Variants in CPPED1 observed in about 807,000 individuals in gnomAD.
CPPED1 encodes the protein calcineurin like phosphoesterase domain containing 1.
In CPPED1, 28 loss-of-function variants were observed where a neutral mutation model predicts 28.0. That is an observed-to-expected ratio of 1.00 (90% CI 0.74 to 1.37). The LOEUF (loss-of-function observed/expected upper bound fraction) is 1.37. CPPED1 is among the 40% of genes most tolerant of loss of function. CPPED1 has a pLI of 0.00. For synonymous variants in CPPED1, 198 were observed against 180.2 expected (o/e 1.10, Z -0.79); for missense variants, 504 against 416.5 (o/e 1.21, Z -1.83).
chr16:12,740,099 A>G (rs868013363), intron 2 of CPPED1, among the ~76,000 whole-genome samples: 1 of 151,744 alleles, frequency 6.6e-6, no homozygotes, highest in African/African-American at 2.4e-5. Flanking sequence ...AAAGGAAGGA[A>G]AGGAAGGAAA....
At chr16:12,792,894 G>C (rs1156684893) in intron 1 of CPPED1, among the ~76,000 whole-genome samples, 1 of 151,992 alleles carries the variant, frequency 6.6e-6, no homozygotes, top group Non-Finnish European at 1.5e-5. Flanking sequence ...CCCAGTCTTG[G>C]GTCTGTCTTT....
intron 2 of CPPED1, among the ~76,000 whole-genome samples, chr16:12,758,413 G>A (rs1032179560): frequency 2.0e-5 from 3 of 152,200 alleles, no homozygotes; most frequent in South Asian, 2.1e-4. Context: ...CAGACAGTGA[G>A]GCAGGTACTT....
intron 2 of CPPED1, among the ~76,000 whole-genome samples, chr16:12,769,455 A>G (rs1407235788): frequency 3.3e-5 from 5 of 152,158 alleles, no homozygotes; most frequent in African/African-American, 1.2e-4. Context: ...GACAGCAGCC[A>G]GTGTGTCTCC....
intron 3 of CPPED1, among the ~76,000 whole-genome samples, chr16:12,685,485 CAAT>C (rs1174862512): frequency 5.9e-5 from 9 of 152,104 alleles, no homozygotes; most frequent in Non-Finnish European, 1.2e-4. Context: ...ATAATAATAG[CAAT>C]AATAATAGCC....
intron 2 of CPPED1, among the ~76,000 whole-genome samples, chr16:12,775,226 A>G (rs983722858): frequency 2.0e-5 from 3 of 152,192 alleles, no homozygotes; most frequent in African/African-American, 7.2e-5. Context: ...CCCACCAGCA[A>G]GAAGGCCCTC....
Position 12,662,812 on chromosome 16 carries a change from T to C in CPPED1, c.*2074A>G, listed in dbSNP as rs2079803114. Reference sequence around the variant, plus strand: ...TGATTCCCTTTTCTTTGCATATTCTTGGGGTACTTTTGAATCAGTTCTTTT... The same window carrying C: ...TGATTCCCTTTTCTTTGCATATTCTCGGGGTACTTTTGAATCAGTTCTTTT... On this transcript the variant is annotated 3_prime_UTR_variant, in exon 4 of 4. Transcript: ENST00000381774. 1 of 152,220 alleles carries C rather than the reference T, an allele frequency of 6.6e-6. No individual in the cohort carries two copies. Among genetic ancestry groups the C allele is most frequent in the South Asian group, 2.1e-4 (1 of 4,834 alleles). 9.4% of individuals were successfully genotyped at this position (152,220 alleles called of 1,614,324 possible).
intron 2 of CPPED1, among the ~76,000 whole-genome samples, chr16:12,729,615 G>A (rs1219032877): frequency 2.0e-5 from 3 of 152,176 alleles, no homozygotes; most frequent in East Asian, 1.9e-4. Flanking sequence ...TAAAGCCACT[G>A]AGCAGAAATG....
chr16:12,685,704 T>C (rs1374101585), intron 3 of CPPED1, among the ~76,000 whole-genome samples: 4 of 152,124 alleles, frequency 2.6e-5, no homozygotes, highest in Non-Finnish European at 5.9e-5. Flanking sequence ...TTCTGGGCAA[T>C]GTCCTCCTCA....
intron 2 of CPPED1, among the ~76,000 whole-genome samples, chr16:12,731,943 A>C (rs2141205605): frequency 6.6e-6 from 1 of 151,996 alleles, no homozygotes; most frequent in African/African-American, 2.4e-5. Context: ...TGGGTGGATC[A>C]CCTGAGGTCA....
At chr16:12,694,863 C>T (rs369752976) in intron 3 of CPPED1, among the ~76,000 whole-genome samples, 1 of 151,980 alleles carries the variant, frequency 6.6e-6, no homozygotes, top group African/African-American at 2.4e-5. Context: ...CTGCAACCTC[C>T]GCCTCCCAGC....
chr16:12,796,057 T>A (rs973700181), intron 1 of CPPED1, among the ~76,000 whole-genome samples: 1 of 150,694 alleles, frequency 6.6e-6, no homozygotes, highest in Non-Finnish European at 1.5e-5. Flanking sequence ...CACTCTAGCC[T>A]GGGCGATAGA....
At chr16:12,770,127 C>T (rs2080461368) in intron 2 of CPPED1, among the ~76,000 whole-genome samples, 1 of 152,150 alleles carries the variant, frequency 6.6e-6, no homozygotes, top group Non-Finnish European at 1.5e-5. Context: ...AGGCTGTTGG[C>T]TACAAATAAG....
intron 1 of CPPED1, among the ~76,000 whole-genome samples, chr16:12,789,562 G>T (rs1281816863): frequency 6.6e-6 from 1 of 151,892 alleles, no homozygotes; most frequent in Non-Finnish European, 1.5e-5. Flanking sequence ...GTCTCACTCT[G>T]TCACCCAGGT....
intron 2 of CPPED1, among the ~76,000 whole-genome samples, chr16:12,719,660 C>T (rs1050472706): frequency 1.3e-5 from 2 of 152,084 alleles, no homozygotes; most frequent in Non-Finnish European, 2.9e-5. Flanking sequence ...TTAGGCCAGG[C>T]GCGGTCACTC....
chr16:12,773,598 C>G (rs925971506), intron 2 of CPPED1, among the ~76,000 whole-genome samples: 4 of 152,100 alleles, frequency 2.6e-5, no homozygotes, highest in East Asian at 3.9e-4. Flanking sequence ...TGGTGCACAC[C>G]TGTAACTCCA....
At chr16:12,741,538 C>G (rs775341650) in intron 2 of CPPED1, among the ~76,000 whole-genome samples, 8 of 152,182 alleles carry the variant, frequency 5.3e-5, no homozygotes, top group Non-Finnish European at 8.8e-5. Context: ...TTAATCTGTT[C>G]ACACAGGCCA....
chr16:12,698,667 G>C (rs1186839200), intron 3 of CPPED1, among the ~76,000 whole-genome samples: 1 of 152,184 alleles, frequency 6.6e-6, no homozygotes, highest in African/African-American at 2.4e-5. Flanking sequence ...CTGACTTCAA[G>C]TGATCCACCC....
At chr16:12,754,781 C>T (rs2141221442) in intron 2 of CPPED1, among the ~76,000 whole-genome samples, 1 of 152,274 alleles carries the variant, frequency 6.6e-6, no homozygotes, top group South Asian at 2.1e-4. Context: ...GGAGGATCAC[C>T]TGAAACCAGG....
chr16:12,778,708 T>C (rs2080512657), intron 2 of CPPED1, among the ~76,000 whole-genome samples: 1 of 152,258 alleles, frequency 6.6e-6, no homozygotes, highest in South Asian at 2.1e-4. Flanking sequence ...TGTCTAACCC[T>C]GTCTATGAGC....
Sources: gnomAD v4.1 joint callset for allele counts (sites outside exome capture counted in the v4.1 genomes callset) on GRCh38, gnomAD v4.1.1 for gene constraint, MANE v1.5 for transcripts, NCBI Gene and HGNC (gene_info 2026-07-23, HGNC 2026-07-21) for gene names.